The following RAD52 variants were observed in gnomAD, a reference collection of about 807,000 sequenced individuals.
RAD52 encodes DNA repair protein RAD52 homolog.
RAD52 carries 47 observed loss-of-function variants against 55.5 expected under a neutral mutation model. The ratio of observed to expected loss-of-function variants is 0.85; its 90% CI spans 0.67 to 1.08. RAD52 has a LOEUF of 1.08. Ranked by LOEUF, RAD52 falls within the 50% of genes least tolerant of loss-of-function variation. RAD52 has a pLI of 0.00. For missense variants in RAD52, 468 were observed against 522.8 expected (o/e 0.90, Z 1.02); for synonymous variants, 184 against 198.9 (o/e 0.92, Z 0.63).
chr12:987,930 A>T lies in RAD52; in HGVS notation c.-19+1879T>A, dbSNP rs11064629. Among the ~76,000 whole-genome samples the T allele has an allele frequency of 5.7e-3, 873 of 152,058 alleles. 9 individuals carry two copies. The highest frequency in any genetic ancestry group is 0.02 in the African/African-American group (814 of 41,488). ...CACCCAGACTGGGGTGCAGCTTCCTAAAGTGTTGGGATTACAGGCGCGAGC... is the reference window on the plus strand; with the variant it reads ...CACCCAGACTGGGGTGCAGCTTCCTTAAGTGTTGGGATTACAGGCGCGAGC... On this transcript the variant is annotated intron_variant, in intron 1 of 11. Transcript: ENST00000430095.
chr12:980,440 C>G (rs1195732919), intron 1 of RAD52, among the ~76,000 whole-genome samples: 1 of 150,944 alleles, frequency 6.6e-6, no homozygotes, highest in Admixed American at 6.6e-5. Flanking sequence ...ATTACAGGTG[C>G]CTGCCACCAT....
intron 3 of RAD52, 111 bp downstream of exon 3, chr12:931,109 G>A (rs1347499215): frequency 4.9e-6 from 4 of 815,954 alleles, no homozygotes; most frequent in Non-Finnish European, 7.7e-6. Context: ...AGACCTCCAG[G>A]AACAGTTAAC....
chr12:923,292 C>T (rs970164330), intron 7 of RAD52, among the ~76,000 whole-genome samples: 5 of 151,782 alleles, frequency 3.3e-5, no homozygotes, highest in African/African-American at 4.8e-5. Flanking sequence ...GCAATCCCAG[C>T]GCTTTGGGAG....
intron 1 of RAD52, among the ~76,000 whole-genome samples, chr12:979,164 G>C (rs1958976020): frequency 6.6e-6 from 1 of 152,174 alleles, no homozygotes. Flanking sequence ...ATGCGGCCAG[G>C]CATGGTGGCT....
In RAD52 at chr12:936,104, G is replaced by C. The variant is rs189076012; in HGVS notation, c.-18-3028C>G. Among the ~76,000 whole-genome samples the C allele has an allele frequency of 7.2e-3, 1,089 of 151,968 alleles. 17 individuals are homozygous for C. Among genetic ancestry groups the C allele is most frequent in the African/African-American group, 0.025 (1,028 of 41,514 alleles). On this transcript the variant is annotated intron_variant, in intron 1 of 11. Transcript: ENST00000358495. ...GGATAACCTGAGGTCAGGAGTTCAA[G>C]ACGAGCCTGGTCAACATGGTGAAAC...
At chr12:980,485 G>A (rs1230448827) in intron 1 of RAD52, among the ~76,000 whole-genome samples, 1 of 151,634 alleles carries the variant, frequency 6.6e-6, no homozygotes, top group Non-Finnish European at 1.5e-5. Context: ...GTAGAGACGA[G>A]GTTGCACCAT....
chr12:945,136 A>G (rs1197519799), intron 1 of RAD52, among the ~76,000 whole-genome samples: 3 of 152,140 alleles, frequency 2.0e-5, no homozygotes, highest in Non-Finnish European at 4.4e-5. Flanking sequence ...AGATCACCTG[A>G]GGTCAGGAGT....
intron 1 of RAD52, among the ~76,000 whole-genome samples, chr12:971,970 G>A (rs998358835): frequency 2.0e-4 from 31 of 152,018 alleles, no homozygotes; most frequent in African/African-American, 6.3e-4. Context: ...GGATGGTCTC[G>A]ATCTCCTGAC....
chr12:957,356 G>A (rs1266669744), intron 1 of RAD52, among the ~76,000 whole-genome samples: 2 of 151,594 alleles, frequency 1.3e-5, no homozygotes, highest in African/African-American at 4.9e-5. Flanking sequence ...CCAACTACTC[G>A]GGAGGCTGAG....
chr12:921,170 A>C (rs997869968), intron 7 of RAD52, among the ~76,000 whole-genome samples: 7 of 152,184 alleles, frequency 4.6e-5, no homozygotes, highest in Admixed American at 4.6e-4. Context: ...TAGTTAAAAA[A>C]AAAAGATCTC....
chr12:928,713 T>A (rs1479020009), intron 5 of RAD52, among the ~76,000 whole-genome samples: 1 of 152,114 alleles, frequency 6.6e-6, no homozygotes, highest in Non-Finnish European at 1.5e-5. Flanking sequence ...GTATTTATGT[T>A]TTCTCTTCAC....
intron 1 of RAD52, among the ~76,000 whole-genome samples, chr12:985,469 T>G (rs1003703442): frequency 2.0e-5 from 3 of 152,130 alleles, no homozygotes; most frequent in Non-Finnish European, 4.4e-5. Flanking sequence ...TTGTTACTTG[T>G]CCTTTGGTCT....
chr12:935,380 CTTT>C (rs34383735), intron 1 of RAD52, among the ~76,000 whole-genome samples: 6 of 128,502 alleles, frequency 4.7e-5, no homozygotes, highest in Admixed American at 8.1e-5. Flanking sequence ...ACCTGTGAAT[CTTT>C]TTTTTTTTTT....
chr12:930,928 C>G (rs1396236401), intron 3 of RAD52, among the ~76,000 whole-genome samples: 3 of 151,028 alleles, frequency 2.0e-5, no homozygotes, highest in Admixed American at 2.0e-4. Context: ...GATGACACCA[C>G]TGGTCGGACT....
chr12:990,581 T>C (rs1480557879), upstream of RAD52: 2 of 152,266 alleles, frequency 1.3e-5, no homozygotes, highest in South Asian at 2.1e-4. Context: ...ACGACGTCCA[T>C]TGCTGGGGTC....
At chr12:951,694 G>A (rs990223642), upstream of RAD52, among the ~76,000 whole-genome samples, 2 of 151,356 alleles carry the variant, frequency 1.3e-5, no homozygotes, top group East Asian at 1.9e-4. Context: ...CCATTTGTTT[G>A]TTTCACTGAT....
intron 6 of RAD52, among the ~76,000 whole-genome samples, chr12:925,965 C>A (rs888629501): frequency 6.6e-6 from 1 of 152,116 alleles, no homozygotes; most frequent in Non-Finnish European, 1.5e-5. Flanking sequence ...TCTACGGACT[C>A]CCCCACAGAA....
intron 9 of RAD52, among the ~76,000 whole-genome samples, chr12:915,765 T>C (rs1366851576): frequency 6.6e-6 from 1 of 152,190 alleles, no homozygotes; most frequent in African/African-American, 2.4e-5. Context: ...TTGCCCAGGC[T>C]GGAGTGCAGT....
chr12:967,461 C>G (rs943489425), intron 1 of RAD52, among the ~76,000 whole-genome samples: 1 of 151,826 alleles, frequency 6.6e-6, no homozygotes, highest in Non-Finnish European at 1.5e-5. Flanking sequence ...GTAACCATCA[C>G]CTAGCTCACT....
Sources: allele counts gnomAD v4.1 joint callset (sites outside exome capture counted in the v4.1 genomes callset), GRCh38; gene constraint gnomAD v4.1.1; transcripts MANE v1.5; gene names NCBI Gene and HGNC (gene_info 2026-07-23, HGNC 2026-07-21).